The following SVIL variants were observed in gnomAD, a reference collection of about 807,000 sequenced individuals.
The protein encoded by SVIL is archvillin.
A neutral mutation model predicts 240.4 loss-of-function variants in SVIL; 101 were observed. The ratio of observed to expected loss-of-function variants is 0.42; its 90% CI spans 0.36 to 0.50. SVIL has a LOEUF of 0.50. SVIL is among the 20% of genes least tolerant of loss of function. SVIL has a pLI of 0.01. For missense variants in SVIL, 2,512 were observed against 2,818.7 expected (o/e 0.89, Z 2.46); for synonymous variants, 999 against 1,100.0 (o/e 0.91, Z 1.82).
Position 29,522,542 on chromosome 10 carries a change from T to C in SVIL, c.3257A>G (p.Gln1086Arg), listed in dbSNP as rs767192780. The C allele has an allele frequency of 6.2e-7, 1 of 1,614,176 alleles. No individual in the cohort carries two copies. Among genetic ancestry groups the C allele is most frequent in the South Asian group, 1.1e-5 (1 of 91,078 alleles). The stretch of plus-strand genomic sequence containing the variant: ...CTCCTGTGGCTGTTCCGAAGAATCC[T>C]GGGGCTTCCAGGACACGGGGGCTGT... ...QTTAPVSWKPQDSSEQPQEKL... is the reference protein window; with the variant it reads ...QTTAPVSWKPRDSSEQPQEKL... The change falls in exon 16 of 38, where the codon CAG becomes CGG. Residue 1086 changes from glutamine (Q) to arginine (R), a missense_variant. By Grantham distance (43) the Gln-to-Arg change is conservative. This residue lies in a region of SVIL where 1,443 missense variants were observed against 1,486.6 expected (regional missense o/e 0.97). Transcript: ENST00000355867.
chr10:29,509,380 A>AGAGAGAGAGAGAGAGAACAC (rs1469849682), intron 17 of SVIL, among the ~76,000 whole-genome samples: 1 of 141,948 alleles, frequency 7.0e-6, no homozygotes, highest in Non-Finnish European at 1.5e-5. Flanking sequence ...AGAGAGAGAG[A>AGAGAGAGAGAGAGAGAACAC]ATACCCAAAC....
intron 17 of SVIL, among the ~76,000 whole-genome samples, chr10:29,506,313 G>A (rs567565661): frequency 6.6e-6 from 1 of 152,190 alleles, no homozygotes; most frequent in Admixed American, 6.5e-5. Flanking sequence ...TTCTTGGGGT[G>A]GACACTGGCT....
intron 16 of SVIL, among the ~76,000 whole-genome samples, chr10:29,520,824 G>A (rs990002138): frequency 6.6e-6 from 1 of 151,922 alleles, no homozygotes; most frequent in Admixed American, 6.6e-5. Flanking sequence ...GCCGAGGCAG[G>A]AGGATCACTT....
intron 2 of SVIL, among the ~76,000 whole-genome samples, chr10:29,681,406 G>GGTGTGTGTGTGT (rs55839039): frequency 1.7e-3 from 236 of 134,974 alleles, no homozygotes; most frequent in African/African-American, 6.0e-3. Flanking sequence ...AAGATGGAAT[G>GGTGTGTGTGTGT]GTGTGTGTGT....
chr10:29,532,295 C>A (rs1951426756), intron 8 of SVIL, 123 bp from the exon 9 acceptor site: 3 of 1,277,194 alleles, frequency 2.3e-6, no homozygotes, highest in African/African-American at 3.0e-5. Flanking sequence ...CTCTTCATGC[C>A]TCTACCATGC....
intron 1 of SVIL, among the ~76,000 whole-genome samples, chr10:29,576,705 T>G (rs1430488506): frequency 6.6e-6 from 1 of 152,150 alleles, no homozygotes; most frequent in Non-Finnish European, 1.5e-5. Flanking sequence ...CCAACATGCC[T>G]GGTTAATTTT....
At chr10:29,508,961 T>C (rs1250013859) in intron 17 of SVIL, among the ~76,000 whole-genome samples, 2 of 152,218 alleles carry the variant, frequency 1.3e-5, no homozygotes, top group South Asian at 4.1e-4. Context: ...AGGGATGGAA[T>C]TGAAAATAAC....
intron 1 of SVIL, among the ~76,000 whole-genome samples, chr10:29,577,696 A>T (rs1231895185): frequency 2.0e-5 from 3 of 152,200 alleles, no homozygotes; most frequent in Non-Finnish European, 2.9e-5. Flanking sequence ...TTGGGTAGAT[A>T]CCCAGTAGTG....
chr10:29,465,879 C>G (rs1425254112), intron 33 of SVIL, 129 bp from the exon 34 acceptor site: 2 of 1,222,900 alleles, frequency 1.6e-6, no homozygotes, highest in Non-Finnish European at 2.3e-6. Flanking sequence ...ATCTGAGCTT[C>G]AAGGTGGAGA....
At chr10:29,648,269 C>G (rs1046683173) in intron 3 of SVIL, among the ~76,000 whole-genome samples, 1 of 152,226 alleles carries the variant, frequency 6.6e-6, no homozygotes, top group Non-Finnish European at 1.5e-5. Flanking sequence ...GCACACTCAT[C>G]AGATCTGACA....
chr10:29,649,450 T>G (rs563655524), intron 3 of SVIL, among the ~76,000 whole-genome samples: 151 of 152,116 alleles, frequency 9.9e-4, no homozygotes, highest in African/African-American at 3.5e-3. Context: ...ACCACACACA[T>G]AAGAAAATTG....
chr10:29,598,672 T>C (rs1019259065), intron 1 of SVIL, among the ~76,000 whole-genome samples: 2 of 152,228 alleles, frequency 1.3e-5, no homozygotes, highest in African/African-American at 4.8e-5. Context: ...ATAATCCATA[T>C]GTTTGAAAAC....
upstream of SVIL, among the ~76,000 whole-genome samples, chr10:29,736,315 A>G (rs1259960958): frequency 3.9e-5 from 6 of 152,112 alleles, no homozygotes; most frequent in African/African-American, 1.2e-4. Context: ...TTGTTTGGAA[A>G]CTAAGTTTGT....
rs768773986 is a variant in SVIL at position 29,531,249 on chromosome 10, C to A, written c.2044+5G>T. 1 of 1,613,604 alleles carries A rather than the reference C, an allele frequency of 6.2e-7. No homozygotes were observed. Among genetic ancestry groups the A allele is most frequent in the Non-Finnish European group, 8.5e-7 (1 of 1,179,872 alleles). ...AGAAGAAAAAAAAGGGAAACAGGTA[C>A]TTGCCATCGACAGTTGGCGTTTCTG... On this transcript the variant is annotated splice_donor_5th_base_variant and intron_variant, in intron 10 of 37. Transcript: ENST00000355867.
intron 16 of SVIL, among the ~76,000 whole-genome samples, chr10:29,522,185 C>A (rs1477037664): frequency 6.6e-6 from 1 of 152,186 alleles, no homozygotes; most frequent in Admixed American, 6.5e-5. Context: ...GAGTCTGGAA[C>A]CAGCCCTGTC....
chr10:29,633,011 A>G (rs1366761257), intron 1 of SVIL, among the ~76,000 whole-genome samples: 1 of 152,140 alleles, frequency 6.6e-6, no homozygotes, highest in Non-Finnish European at 1.5e-5. Flanking sequence ...AGGTGGGCGG[A>G]TCACGAGGTC....
intron 1 of SVIL, among the ~76,000 whole-genome samples, chr10:29,729,160 C>T (rs1303926610): frequency 6.6e-6 from 1 of 152,116 alleles, no homozygotes; most frequent in Non-Finnish European, 1.5e-5. Context: ...AGGGAAATGG[C>T]TCTTATTTCT....
At chr10:29,731,664 TA>T (rs1025713593) in intron 1 of SVIL, among the ~76,000 whole-genome samples, 11 of 150,464 alleles carry the variant, frequency 7.3e-5, no homozygotes, top group Admixed American at 4.0e-4. Flanking sequence ...TTATTTGGAT[TA>T]AAAAAAAATG....
chr10:29,512,027 G>T (rs1949876110), intron 17 of SVIL, among the ~76,000 whole-genome samples: 1 of 152,176 alleles, frequency 6.6e-6, no homozygotes, highest in South Asian at 2.1e-4. Context: ...GCATCATTTC[G>T]CCTCCAGCCA....
Sources: gnomAD v4.1 joint callset for allele counts (sites outside exome capture counted in the v4.1 genomes callset) on GRCh38, gnomAD v4.1.1 for gene constraint, gnomAD v4.1.1 regional missense constraint, MANE v1.5 for transcripts, NCBI Gene and HGNC (gene_info 2026-07-23, HGNC 2026-07-21) for gene names.